RNASEH1: variants seen among roughly 807,000 people sequenced by gnomAD.
The protein encoded by RNASEH1 is ribonuclease H1, also known as ribonuclease H type II.
Under a neutral mutation model 34.6 loss-of-function variants are expected in RNASEH1, and 27 were observed. The observed-to-expected ratio is 0.78, with a 90% CI of 0.58 to 1.08. The LOEUF (loss-of-function observed/expected upper bound fraction) is 1.08. Ranked by LOEUF, RNASEH1 falls within the 50% of genes least tolerant of loss-of-function variation. The probability of loss-of-function intolerance (pLI) is 0.00; values close to 1 mark genes in which losing one functional copy is unlikely to be tolerated. For synonymous variants in RNASEH1, 162 were observed against 138.4 expected, an observed-to-expected ratio of 1.17 and a Z score of -1.20; for missense variants, 349 against 373.6, an observed-to-expected ratio of 0.93 and a Z score of 0.54.
chr2:3,555,287 T>C (rs915639059), intron 2 of RNASEH1, among the ~76,000 whole-genome samples: 12 of 152,196 alleles, frequency 7.9e-5, no homozygotes, highest in African/African-American at 2.4e-4. Context: ...TCTTCTTGAC[T>C]TGCTGGCTCT....
In RNASEH1 at chr2:3,545,695, T is replaced by C; in HGVS notation, c.*90A>G. 1.2e-6 allele frequency: 1 copy of C among 844,976 alleles called. No homozygotes were observed. The allele number at this position is 844,976 out of a possible 1,614,324, so 52.3% of individuals were successfully genotyped here. The stretch of plus-strand genomic sequence containing the variant: ...ACGCATCTGCCCATCACTGCAATGG[T>C]CCTACCTGCAGGCTATTTTCCACAC... On this transcript the variant is annotated 3_prime_UTR_variant, in exon 8 of 8. Coordinates refer to ENST00000315212, the MANE Select transcript of RNASEH1 (RefSeq NM_002936.6).
rs1203368679 is a variant in RNASEH1, at chr2:3,543,535, T to C, written c.*2250A>G. Among the ~76,000 whole-genome samples the C allele has an allele frequency of 6.6e-6, 1 of 152,036 alleles. No individual in the cohort carries two copies. Among genetic ancestry groups the C allele is most frequent in the Non-Finnish European group, 1.5e-5 (1 of 68,028 alleles). On this transcript the variant is annotated 3_prime_UTR_variant, in exon 8 of 8. Coordinates refer to ENST00000315212, the MANE Select transcript of RNASEH1 (RefSeq NM_002936.6). ...CCAAGCTGAAGAGGCTCCCTCTCAC[T>C]GACCGAATAAGCTAGTCTGAGCTAA...
At chr2:3,547,364 CAG>C (rs1256222136) in intron 7 of RNASEH1, among the ~76,000 whole-genome samples, 1 of 152,034 alleles carries the variant, frequency 6.6e-6, no homozygotes, top group Admixed American at 6.6e-5. Flanking sequence ...TTTCGAGAAA[CAG>C]AGTCTCCCCA....
At chr2:3,533,873 C>T in the RNASEH1 span, 1 of 152,260 alleles carries the variant, frequency 6.6e-6, no homozygotes, top group Non-Finnish European at 1.5e-5. Context: ...AGACAGATTC[C>T]TAGGCAGACT....
intron 4 of RNASEH1, among the ~76,000 whole-genome samples, chr2:3,549,599 G>A (rs962316190): frequency 4.6e-5 from 7 of 151,974 alleles, no homozygotes; most frequent in East Asian, 1.9e-4. Flanking sequence ...CTGTGATCTC[G>A]GCACTTTGGG....
chr2:3,541,170 T>C (rs991282788), downstream of RNASEH1, among the ~76,000 whole-genome samples: 2 of 151,554 alleles, frequency 1.3e-5, no homozygotes, highest in African/African-American at 2.4e-5. Flanking sequence ...CTACTAAAAA[T>C]ACAAAAAAAT....
intron 7 of RNASEH1, among the ~76,000 whole-genome samples, chr2:3,547,659 T>C (rs974299359): frequency 8.5e-5 from 13 of 152,104 alleles, no homozygotes; most frequent in Admixed American, 6.6e-4. Flanking sequence ...GGCTAATTTT[T>C]GTATTTTTTA....
Position 3,545,225 on chromosome 2 carries a change from G to A in RNASEH1, c.*560C>T, listed in dbSNP as rs1169077619. 1 of 152,678 alleles carries A rather than the reference G, an allele frequency of 6.5e-6. No homozygotes were observed. The highest frequency in any genetic ancestry group is 1.5e-5 in the Non-Finnish European group (1 of 68,544). The allele number at this position is 152,678 out of a possible 1,614,324, so 9.5% of individuals were successfully genotyped here. On this transcript the variant is annotated 3_prime_UTR_variant, in exon 8 of 8. Transcript: ENST00000315212. Reference sequence around the variant, plus strand: ...CTAGCAGCCAGGGTCGCCGCAGGCAGGCTTTGCCCTATACTAACTGCCCAG... The same window carrying A: ...CTAGCAGCCAGGGTCGCCGCAGGCAAGCTTTGCCCTATACTAACTGCCCAG...
chr2:3,558,304 C>A lies in RNASEH1; in HGVS notation c.-44G>T. 2.0e-6 allele frequency: 3 copies of A among 1,486,892 alleles called. No individual in the cohort carries two copies. The highest frequency in any genetic ancestry group is 2.7e-6 in the Non-Finnish European group (3 of 1,122,466). The allele number at this position is 1,486,892 out of a possible 1,614,324, so 92.1% of individuals were successfully genotyped here. Reference sequence around the variant, plus strand: ...GGAAGCATTTCGACTCCCGGCCCAGCGTGGGCGCGAGCCGCCGGCGCTCAA... The same window carrying A: ...GGAAGCATTTCGACTCCCGGCCCAGAGTGGGCGCGAGCCGCCGGCGCTCAA... On this transcript the variant is annotated 5_prime_UTR_variant, in exon 1 of 8. Transcript: ENST00000315212.
At chr2:3,548,799 G>A (rs940773330) in intron 5 of RNASEH1, 75 bp from the exon 6 acceptor site, 32 of 1,076,568 alleles carry the variant, frequency 3.0e-5, no homozygotes, top group Non-Finnish European at 4.1e-5. Context: ...AAAGTACTTC[G>A]AAATTGAAAC....
rs1659989779 is a variant in RNASEH1, at chr2:3,552,140, G to A, written c.409+4C>T. ...TAAAATCTGAAAACCCAAGGAAGAT[G>A]TACCCATGTAGGAAAACGTGTCTCT... On this transcript the variant is annotated splice_donor_region_variant and intron_variant, in intron 3 of 7. Coordinates refer to ENST00000315212, the MANE Select transcript of RNASEH1 (RefSeq NM_002936.6). 3.7e-6 allele frequency: 6 copies of A among 1,605,410 alleles called. No individual in the cohort carries two copies. The East Asian group carries it at 8.9e-5, about 24-fold the overall frequency.
At chr2:3,536,223 C>T in the RNASEH1 span, among the ~76,000 whole-genome samples, 1 of 152,200 alleles carries the variant, frequency 6.6e-6, no homozygotes, top group Non-Finnish European at 1.5e-5. Flanking sequence ...AAAAGAATGA[C>T]GTGTGTGGCT....
chr2:3,557,978 C>G (rs1660699394), intron 1 of RNASEH1, 155 bp downstream of exon 1: 2 of 1,493,070 alleles, frequency 1.3e-6, no homozygotes, highest in Admixed American at 2.2e-5. Context: ...CCCCGCCGGC[C>G]GAGCAGGAAA....
At chr2:3,549,345 C>A (rs932107222) in intron 4 of RNASEH1, among the ~76,000 whole-genome samples, 1 of 152,326 alleles carries the variant, frequency 6.6e-6, no homozygotes, top group Admixed American at 6.5e-5. Context: ...TGGTTCTCTG[C>A]GGACCCTGGG....
the RNASEH1 span, chr2:3,534,102 A>C: frequency 6.6e-6 from 1 of 152,274 alleles, no homozygotes; most frequent in Non-Finnish European, 1.5e-5. Flanking sequence ...CTTTGGGTAG[A>C]GACTACTCAC....
In RNASEH1 at chr2:3,548,676, G is replaced by C. The variant is rs1208466344; in HGVS notation, c.613C>G (p.Leu205Val). The C allele has an allele frequency of 1.9e-6, 3 of 1,612,246 alleles. No homozygotes were observed. The highest frequency in any genetic ancestry group is 2.2e-5 in the South Asian group (2 of 91,042). Residue 205 changes from leucine to valine, a missense_variant, in exon 6 of 8, where the codon CTG (leucine) becomes GTG (valine). Transcript: ENST00000315212. ...AACATACTGTCTGTATACAGAACCA[G>C]TTTATTGATGTTTTGAGTCTTTGCT... ...EQAKTQNINK[L>V]VLYTDSMFTI...
intron 3 of RNASEH1, 93 bp downstream of exon 3, chr2:3,552,051 G>A: frequency 1.0e-6 from 1 of 988,558 alleles, no homozygotes. Flanking sequence ...ATAAACACCA[G>A]CTCAAACTCC....
Position 3,552,207 on chromosome 2 carries a change from T to C in RNASEH1, c.346A>G (p.Lys116Glu). The stretch of plus-strand genomic sequence containing the variant: ...GGCTCCACGCTCGGCTTCATGTGCT[T>C]TGCATACGGCTCTGCGCTTTCATGT... ...DGHESAEPYA[K>E]HMKPSVEPAP... The change falls in exon 3 of 8, where the codon AAG (lysine) becomes GAG (glutamate). Residue 116 changes from lysine (K) to glutamate (E), a missense_variant. Coordinates refer to ENST00000315212, the MANE Select transcript of RNASEH1 (RefSeq NM_002936.6). The C allele has an allele frequency of 1.2e-6, 2 of 1,613,198 alleles. No homozygotes were observed. Among genetic ancestry groups the C allele is most frequent in the South Asian group, 2.2e-5 (2 of 91,012 alleles).
At chr2:3,556,308 G>GTT (rs1183563934) in intron 2 of RNASEH1, among the ~76,000 whole-genome samples, 4,624 of 138,330 alleles carry the variant, frequency 0.033, 114 homozygotes, top group Non-Finnish European at 0.056. Flanking sequence ...AACTATGTAA[G>GTT]TTTTTTTTTT....
Sources: gnomAD v4.1 joint callset for allele counts (sites outside exome capture counted in the v4.1 genomes callset) on GRCh38, gnomAD v4.1.1 for gene constraint, MANE v1.5 for transcripts, NCBI Gene and HGNC (gene_info 2026-07-23, HGNC 2026-07-21) for gene names.